Variants in RASA2 observed in about 807,000 individuals in gnomAD.
The protein encoded by RASA2 is ras GTPase-activating protein 2.
Under a neutral mutation model 118.2 loss-of-function variants are expected in RASA2, and 155 were observed. That is an observed-to-expected ratio of 1.31 (90% CI 1.15 to 1.50). The LOEUF (loss-of-function observed/expected upper bound fraction) is 1.50. Ranked by LOEUF, RASA2 falls within the 40% of genes most tolerant of loss-of-function variation. The probability of loss-of-function intolerance (pLI) is 0.00; values close to 1 mark genes in which losing one functional copy is unlikely to be tolerated. For missense variants in RASA2, 1,016 were observed against 1,009.6 expected (o/e 1.01, Z -0.09); for synonymous variants, 353 against 349.1 (o/e 1.01, Z -0.12).
intron 4 of RASA2, among the ~76,000 whole-genome samples, chr3:141,533,376 C>T (rs1270818048): frequency 6.6e-6 from 1 of 152,144 alleles, no homozygotes; most frequent in Admixed American, 6.5e-5. Flanking sequence ...TTTCCTAGTT[C>T]TACCACTAAT....
rs1194421401 is a variant in RASA2 at position 141,573,186 on chromosome 3, A to C, written c.1324A>C (p.Lys442Gln). The C allele has an allele frequency of 1.9e-6, 3 of 1,542,938 alleles. No homozygotes were observed. The highest frequency in any genetic ancestry group is 1.2e-5 in the South Asian group (1 of 80,194). ...SSKSCEIDPI[K>Q]LKEGDNVENN... Reference sequence around the variant, plus strand: ...AAAATCCTGTGAAATCGATCCTATTAAATTGAAAGAGGGAGATAATGTAGA... The same window carrying C: ...AAAATCCTGTGAAATCGATCCTATTCAATTGAAAGAGGGAGATAATGTAGA... The change falls in exon 13 of 24, where the codon AAA becomes CAA. Residue 442 changes from lysine (K) to glutamine (Q), a missense_variant. Around this residue, in one of 2 missense-constraint regions of RASA2, gnomAD observed 896 missense variants for 836.4 expected, o/e 1.07. Transcript: ENST00000286364.
intron 3 of RASA2, among the ~76,000 whole-genome samples, chr3:141,523,999 C>G (rs763879881): frequency 6.1e-4 from 93 of 152,242 alleles, no homozygotes; most frequent in Non-Finnish European, 1.1e-3. Flanking sequence ...TTGCTTATGG[C>G]TACACTTTGG....
chr3:141,574,212 C>T lies in RASA2; in HGVS notation c.1483+145C>T, dbSNP rs943489987. On this transcript the variant is annotated intron_variant, in intron 14 of 23. Coordinates refer to ENST00000286364, the MANE Select transcript of RASA2 (RefSeq NM_006506.5). Reference sequence around the variant, plus strand: ...TTATTTTATTTTATTTTTTTTGAGACGGAGTCTTGCTCTGTCACCCTGGCT... The same window carrying T: ...TTATTTTATTTTATTTTTTTTGAGATGGAGTCTTGCTCTGTCACCCTGGCT... 18 of 486,850 alleles carry T rather than the reference C, an allele frequency of 3.7e-5. No homozygotes were observed. The South Asian group carries it at 5.7e-4, about 15-fold the overall frequency. The allele number at this position is 486,850 out of a possible 1,614,324, so 30.2% of individuals were successfully genotyped here.
In RASA2 at chr3:141,602,778, T is replaced by A. The variant is rs371229701; in HGVS notation, c.1934-4900T>A. Among the ~76,000 whole-genome samples the A allele has an allele frequency of 6.0e-4, 92 of 152,352 alleles. 1 individual carries two copies. Among genetic ancestry groups the A allele is most frequent in the African/African-American group, 2.2e-3 (90 of 41,584 alleles). On this transcript the variant is annotated intron_variant, in intron 19 of 23. Coordinates refer to ENST00000286364, the MANE Select transcript of RASA2 (RefSeq NM_006506.5). ...ATACCTCAAAGGCTTCCACCCTCTG[T>A]CATCTGAGCTGTGTGTGGATTAGAG...
intron 4 of RASA2, among the ~76,000 whole-genome samples, chr3:141,531,506 C>T (rs2082260153): frequency 6.6e-6 from 1 of 151,332 alleles, no homozygotes; most frequent in Non-Finnish European, 1.5e-5. Context: ...ACACACATTA[C>T]ATACACATGG....
chr3:141,611,500 G>A (rs60984011), intron 23 of RASA2, among the ~76,000 whole-genome samples: 4,500 of 152,184 alleles, frequency 0.03, 233 homozygotes, highest in African/African-American at 0.1. Flanking sequence ...AAGGAACAGT[G>A]TTTGCCACAG....
At chr3:141,491,179 C>A (rs892579883) in intron 1 of RASA2, among the ~76,000 whole-genome samples, 5 of 152,144 alleles carry the variant, frequency 3.3e-5, no homozygotes, top group South Asian at 2.1e-4. Context: ...GATGCTTTTC[C>A]ACTATCCATT....
Position 141,555,124 on chromosome 3 carries a change from G to A in RASA2, c.612-716G>A, listed in dbSNP as rs143139044. 2.7e-3 allele frequency among the ~76,000 whole-genome samples: 410 copies of A among 152,268 alleles called. 5 individuals are homozygous for A. Among genetic ancestry groups the A allele is most frequent in the African/African-American group, 9.3e-3 (388 of 41,546 alleles). The stretch of plus-strand genomic sequence containing the variant: ...TAAAAATACAGAATTAGCTGGGTGT[G>A]GTGGCTCATGCCTGTAATCCCAGCT... On this transcript the variant is annotated intron_variant, in intron 6 of 23. Coordinates refer to ENST00000286364, the MANE Select transcript of RASA2 (RefSeq NM_006506.5).
At chr3:141,544,344 C>G (rs2082452550) in intron 5 of RASA2, among the ~76,000 whole-genome samples, 1 of 152,122 alleles carries the variant, frequency 6.6e-6, no homozygotes, top group Non-Finnish European at 1.5e-5. Flanking sequence ...TCTTTATCAC[C>G]TCTGCTATCT....
intron 1 of RASA2, among the ~76,000 whole-genome samples, chr3:141,491,595 A>G (rs2081640496): frequency 6.6e-6 from 1 of 152,180 alleles, no homozygotes; most frequent in Non-Finnish European, 1.5e-5. Context: ...TAAATTATAT[A>G]CCTAAAAAAA....
At chr3:141,560,158 T>G (rs1033382307) in intron 9 of RASA2, among the ~76,000 whole-genome samples, 163 bp downstream of exon 9, 6 of 152,168 alleles carry the variant, frequency 3.9e-5, no homozygotes, top group African/African-American at 1.4e-4. Context: ...CAGAAGTAAA[T>G]TGTAAGTTTT....
At chr3:141,572,769 G>C in intron 12 of RASA2, 46 bp downstream of exon 12, 1 of 1,386,676 alleles carries the variant, frequency 7.2e-7, no homozygotes, top group South Asian at 1.3e-5. Context: ...CCTTATGATA[G>C]TTGTTCTTTT....
At position 141,580,083 on chromosome 3, in the gene RASA2, AAAATAT is replaced by A. The variant is rs1173197589; in HGVS notation, c.1591-283_1591-278del. ...GAAAAAAAAAAGAAAAAAAAAAAAA[AAAATAT>A]ATATATATATATATATATATATATA... is the stretch of plus-strand genomic sequence containing the variant. On this transcript the variant is annotated intron_variant, in intron 15 of 23. Coordinates refer to ENST00000286364, the MANE Select transcript of RASA2 (RefSeq NM_006506.5). Among the ~76,000 whole-genome samples the A allele has an allele frequency of 1.8e-3, 152 of 82,514 alleles. 2 individuals are homozygous for A. Among genetic ancestry groups the A allele is most frequent in the African/African-American group, 4.0e-3 (79 of 19,716 alleles). 54.1% of individuals were successfully genotyped at this position (82,514 alleles called of 152,430 possible). A position where few individuals can be genotyped will look rare whatever the true frequency, so the allele number is the denominator to read the frequency against.
intron 19 of RASA2, among the ~76,000 whole-genome samples, chr3:141,606,443 T>C (rs982772839): frequency 9.9e-5 from 15 of 152,236 alleles, no homozygotes; most frequent in Non-Finnish European, 8.8e-5. Context: ...TTTATTTTCA[T>C]TGTAGCATTC....
At position 141,558,981 on chromosome 3, in the gene RASA2, T is replaced by C. The variant is rs752503273; in HGVS notation, c.761+19T>C. 6.4e-7 allele frequency: 1 copy of C among 1,562,318 alleles called. No homozygotes were observed. Among genetic ancestry groups the C allele is most frequent in the Non-Finnish European group, 8.7e-7 (1 of 1,143,558 alleles). On this transcript the variant is annotated intron_variant, in intron 8 of 23. Transcript: ENST00000286364. ...AAATCAGGTATGTGCCTTGGGGTTT[T>C]ACAGAATTGCTTTTTTGTATACCAA...
chr3:141,489,842 A>C (rs11717842), intron 1 of RASA2, among the ~76,000 whole-genome samples: 31,479 of 152,008 alleles, frequency 0.21, 4,453 homozygotes, highest in Non-Finnish European at 0.31. Flanking sequence ...ATATTTGTCT[A>C]TTGGACAAGA....
At position 141,612,362 on chromosome 3, in the gene RASA2, A is replaced by T; in HGVS notation, c.*49A>T. 1 of 1,459,476 alleles carries T rather than the reference A, an allele frequency of 6.9e-7. No homozygotes were observed. The highest frequency in any genetic ancestry group is 9.4e-7 in the Non-Finnish European group (1 of 1,063,532). 90.4% of individuals were successfully genotyped at this position (1,459,476 alleles called of 1,614,324 possible). A position where few individuals can be genotyped will look rare whatever the true frequency, so the allele number is the denominator to read the frequency against. On this transcript the variant is annotated 3_prime_UTR_variant, in exon 24 of 24. Coordinates refer to ENST00000286364, the MANE Select transcript of RASA2 (RefSeq NM_006506.5). The stretch of plus-strand genomic sequence containing the variant: ...AACTGGAAAATATTATTTTTCTTGG[A>T]GCTTTTCAATTCATCATGTATTTTG...
At chr3:141,596,702 C>T (rs1488720893) in intron 19 of RASA2, among the ~76,000 whole-genome samples, 1 of 152,128 alleles carries the variant, frequency 6.6e-6, no homozygotes, top group African/African-American at 2.4e-5. Context: ...AAAAGATGCT[C>T]AACATCATTA....
intron 1 of RASA2, among the ~76,000 whole-genome samples, chr3:141,503,112 T>G (rs536238150): frequency 6.6e-6 from 1 of 152,332 alleles, no homozygotes; most frequent in East Asian, 1.9e-4. Flanking sequence ...GAGAAAATAT[T>G]TAACACTGTC....
Sources: gnomAD v4.1 joint callset for allele counts (sites outside exome capture counted in the v4.1 genomes callset) on GRCh38, gnomAD v4.1.1 for gene constraint, gnomAD v4.1.1 regional missense constraint, MANE v1.5 for transcripts, NCBI Gene and HGNC (gene_info 2026-07-23, HGNC 2026-07-21) for gene names.